CAST: variants seen among roughly 807,000 people sequenced by gnomAD.
CAST encodes the protein MIR583 host.
In CAST, 76 loss-of-function variants were observed where a neutral mutation model predicts 119.6. The observed-to-expected ratio is 0.64, with a 90% confidence interval of 0.53 to 0.77. The LOEUF (loss-of-function observed/expected upper bound fraction) is 0.77, where lower values mean the gene tolerates loss of function less well. Ranked by LOEUF, CAST falls within the 30% of genes least tolerant of loss-of-function variation. The pLI, the probability that CAST is intolerant of heterozygous loss-of-function variation, is 0.00. For missense variants in CAST, 953 were observed against 946.5 expected (o/e 1.01, Z -0.09); for synonymous variants, 319 against 331.6 (o/e 0.96, Z 0.41).
At chr5:96,117,048 G>C in the CAST span, among the ~76,000 whole-genome samples, 78 of 152,336 alleles carry the variant, frequency 5.1e-4, no homozygotes, top group Admixed American at 1.6e-3. Flanking sequence ...TGAAGCCTTT[G>C]TTAAGGATCT....
chr5:96,227,008 C>T, the CAST span, among the ~76,000 whole-genome samples: 1 of 152,192 alleles, frequency 6.6e-6, no homozygotes, highest in Non-Finnish European at 1.5e-5. Flanking sequence ...CTGATTGCAG[C>T]ATTGTTCGCT....
intron 1 of CAST, among the ~76,000 whole-genome samples, chr5:96,574,981 T>C (rs959313281): frequency 1.8e-4 from 28 of 152,288 alleles, no homozygotes; most frequent in African/African-American, 6.7e-4. Flanking sequence ...TGAAAGAAAT[T>C]GCATTAAACC....
chr5:96,722,603 A>G, intron 3 of CAST, 36 bp from the exon 4 acceptor site: 1 of 1,507,014 alleles, frequency 6.6e-7, no homozygotes, highest in Non-Finnish European at 9.2e-7. Flanking sequence ...TAGGTTAAAT[A>G]GAATCGAACT....
rs115116182 is a variant in CAST at position 96,565,631 on chromosome 5, G to A, written c.60+35751G>A. On this transcript the variant is annotated intron_variant, in intron 1 of 11. Coordinates refer to the CAST transcript ENST00000505143. Reference sequence around the variant, plus strand: ...GTGGTACTGGGTCCACTCAGTGTAAGCATTTAAATCAGTGGTCCCCTGGGT... The same window carrying A: ...GTGGTACTGGGTCCACTCAGTGTAAACATTTAAATCAGTGGTCCCCTGGGT... Among the ~76,000 whole-genome samples the A allele has an allele frequency of 7.3e-3, 1,115 of 152,288 alleles. 26 individuals are homozygous for A. Among genetic ancestry groups the A allele is most frequent in the African/African-American group, 0.026 (1,087 of 41,552 alleles).
At chr5:96,004,528 A>G in the CAST span, among the ~76,000 whole-genome samples, 1 of 152,174 alleles carries the variant, frequency 6.6e-6, no homozygotes, top group African/African-American at 2.4e-5. Context: ...CTGGTAATTA[A>G]ATGGGGAGAC....
At chr5:96,312,306 T>C in the CAST span, among the ~76,000 whole-genome samples, 3 of 152,118 alleles carry the variant, frequency 2.0e-5, no homozygotes, top group Non-Finnish European at 2.9e-5. Flanking sequence ...TGGTGTAAAC[T>C]TAGTGCCAGA....
At chr5:96,331,755 C>G in the CAST span, among the ~76,000 whole-genome samples, 1 of 152,194 alleles carries the variant, frequency 6.6e-6, no homozygotes, top group Non-Finnish European at 1.5e-5. Flanking sequence ...GGCACTATCC[C>G]TGCCTGGTGG....
At chr5:96,312,878 G>A in the CAST span, among the ~76,000 whole-genome samples, 1 of 152,034 alleles carries the variant, frequency 6.6e-6, no homozygotes, top group South Asian at 2.1e-4. Flanking sequence ...AATAACTTAA[G>A]TGACCTTTTC....
chr5:96,520,722 C>T (rs1745503903), upstream of CAST, among the ~76,000 whole-genome samples: 1 of 152,172 alleles, frequency 6.6e-6, no homozygotes, highest in Non-Finnish European at 1.5e-5. Context: ...GTCTAACTAT[C>T]TGGTTATGCC....
chr5:96,593,874 A>G (rs1485010914), intron 1 of CAST, among the ~76,000 whole-genome samples: 7 of 152,224 alleles, frequency 4.6e-5, no homozygotes, highest in African/African-American at 1.7e-4. Flanking sequence ...CAGAAGTGTG[A>G]GAAATAGATT....
chr5:96,241,360 A>G, the CAST span, among the ~76,000 whole-genome samples: 2 of 151,540 alleles, frequency 1.3e-5, no homozygotes, highest in Non-Finnish European at 2.9e-5. Flanking sequence ...ATGATTTCCA[A>G]TTTCATCCAT....
the CAST span, chr5:96,429,174 G>T: frequency 9.9e-7 from 1 of 1,013,270 alleles, no homozygotes. Flanking sequence ...AAGCAGATAA[G>T]CTAGAGTATT....
rs200689846 is a variant in CAST, at chr5:96,770,561, A to G, written c.2299A>G (p.Lys767Glu). The G allele has an allele frequency of 1.7e-5, 27 of 1,613,230 alleles. 2 individuals carry two copies. In the African/African-American group the frequency reaches 2.4e-4, roughly 14 times the overall value. Residue 767 changes from lysine to glutamate, a missense_variant, in exon 30 of 32, where the codon AAA (lysine) becomes GAA (glutamate). Lys to Glu is a moderately conservative substitution (Grantham distance 56). Coordinates refer to ENST00000675179, the MANE Select transcript of CAST (RefSeq NM_001750.7). ...GTGCAAGAAGGCTGCTTCCAGCTCC[A>G]AAGCACCTAAGAATGGAGGTAAAGC... ...DKCKKAASSS[K>E]APKNGGKAKD...
chr5:96,316,954 G>T, the CAST span, among the ~76,000 whole-genome samples: 2 of 151,616 alleles, frequency 1.3e-5, no homozygotes, highest in Non-Finnish European at 2.9e-5. Context: ...TGAATGGAAT[G>T]TTGAACTGGG....
the CAST span, among the ~76,000 whole-genome samples, chr5:96,428,967 T>G: frequency 1.3e-5 from 2 of 152,162 alleles, no homozygotes; most frequent in Non-Finnish European, 2.9e-5. Flanking sequence ...GATATATATG[T>G]AATTATATAA....
At chr5:95,986,627 G>T in the CAST span, among the ~76,000 whole-genome samples, 1 of 152,072 alleles carries the variant, frequency 6.6e-6, no homozygotes, top group East Asian at 1.9e-4. Context: ...AGGCTTTTCA[G>T]CTGCTGAAAC....
chr5:96,680,354 C>CAAAAAAAAAAAAAAAAAAA (rs71617135), intron 2 of CAST, among the ~76,000 whole-genome samples: 8 of 29,262 alleles, frequency 2.7e-4, no homozygotes, highest in African/African-American at 7.5e-4. Flanking sequence ...GACTCTGTCT[C>CAAAAAAAAAAAAAAAAAAA]AAAAAAAAAA....
chr5:96,546,987 A>G (rs1051964530), intron 1 of CAST, among the ~76,000 whole-genome samples: 1 of 152,250 alleles, frequency 6.6e-6, no homozygotes, highest in African/African-American at 2.4e-5. Flanking sequence ...AATGTGAACA[A>G]TACCACACCA....
At chr5:96,402,035 T>C in the CAST span, among the ~76,000 whole-genome samples, 3 of 152,222 alleles carry the variant, frequency 2.0e-5, no homozygotes, top group African/African-American at 7.2e-5. Flanking sequence ...GCCCAGTTTT[T>C]ACTCCTCAAG....
Sources: allele counts gnomAD v4.1 joint callset (sites outside exome capture counted in the v4.1 genomes callset), GRCh38; gene constraint gnomAD v4.1.1; transcripts MANE v1.5; gene names NCBI Gene and HGNC (gene_info 2026-07-23, HGNC 2026-07-21).